NKAIN3: variants seen among roughly 807,000 people sequenced by gnomAD.
NKAIN3 encodes sodium/potassium transporting ATPase interacting 3.
NKAIN3 carries 25 observed loss-of-function variants against 30.2 expected under a neutral mutation model. The ratio of observed to expected loss-of-function variants is 0.83; its 90% CI spans 0.60 to 1.16. NKAIN3 has a LOEUF of 1.16. Among genes scored for constraint, NKAIN3 ranks in the 50% most tolerant of loss-of-function variants. The pLI, the probability that NKAIN3 is intolerant of heterozygous loss-of-function variation, is 0.00. For missense variants in NKAIN3, 225 were observed against 254.1 expected (o/e 0.89, Z 0.78); for synonymous variants, 91 against 89.6 (o/e 1.02, Z -0.09).
At chr8:62,565,358 G>A (rs1182488125) in intron 1 of NKAIN3, among the ~76,000 whole-genome samples, 3 of 116,708 alleles carry the variant, frequency 2.6e-5, no homozygotes, top group Non-Finnish European at 6.2e-5. Flanking sequence ...ATGGGCATAC[G>A]TGTGTGCGTG....
intron 3 of NKAIN3, among the ~76,000 whole-genome samples, chr8:62,703,255 A>C (rs1040475029): frequency 6.6e-6 from 1 of 152,202 alleles, no homozygotes; most frequent in Admixed American, 6.5e-5. Context: ...ATCTTATGAT[A>C]TTCACTGTTT....
intron 4 of NKAIN3, among the ~76,000 whole-genome samples, chr8:62,799,817 G>T (rs574037184): frequency 6.6e-6 from 1 of 152,130 alleles, no homozygotes; most frequent in African/African-American, 2.4e-5. Flanking sequence ...ATCCACCAAC[G>T]AGTGGATAGA....
Position 62,560,531 on chromosome 8 carries a change from C to CTTTTTTTTTTTTTTTTTTTTTT in NKAIN3, c.55-19004_55-18983dup, listed in dbSNP as rs869256384. Among the ~76,000 whole-genome samples the CTTTTTTTTTTTTTTTTTTTTTT allele has an allele frequency of 1.8e-4, 8 of 45,366 alleles. 1 individual carries two copies. Among genetic ancestry groups the CTTTTTTTTTTTTTTTTTTTTTT allele is most frequent in the African/African-American group, 1.9e-4 (2 of 10,630 alleles). 29.8% of individuals were successfully genotyped at this position (45,366 alleles called of 152,430 possible). A position where few individuals can be genotyped will look rare whatever the true frequency, so the allele number is the denominator to read the frequency against. On this transcript the variant is annotated intron_variant, in intron 1 of 6. Coordinates refer to ENST00000623646, the MANE Select transcript of NKAIN3 (RefSeq NM_001304533.3). ...CAGTTCACTGAATCTTTTTTCTTTT[C>CTTTTTTTTTTTTTTTTTTTTTT]TTTTTTTTTTTTTTTTTTTTTTTTT...
At position 62,776,365 on chromosome 8, in the gene NKAIN3, C is replaced by A. The variant is rs116008374; in HGVS notation, c.471+29236C>A. Among the ~76,000 whole-genome samples, 1,399 of 152,050 alleles carry A rather than the reference C, an allele frequency of 9.2e-3. 13 individuals are homozygous for A. The highest frequency in any genetic ancestry group is 0.029 in the African/African-American group (1,197 of 41,502). On this transcript the variant is annotated intron_variant, in intron 4 of 6. Transcript: ENST00000623646. ...TTTTTGTGACCTTCTCTTTCTTCTT[C>A]CTTCCTATCTTCTGTTTAGTGAAGG...
chr8:62,554,860 C>A (rs1446107380), intron 1 of NKAIN3, among the ~76,000 whole-genome samples: 1 of 152,112 alleles, frequency 6.6e-6, no homozygotes, highest in African/African-American at 2.4e-5. Context: ...CCCCTGATAA[C>A]CATCACTCAC....
intron 1 of NKAIN3, among the ~76,000 whole-genome samples, chr8:62,274,543 A>T (rs553596590): frequency 2.0e-4 from 30 of 152,162 alleles, no homozygotes; most frequent in Admixed American, 2.0e-3. Flanking sequence ...CAGTTTAATA[A>T]ATTTCTAATA....
chr8:62,572,787 C>G (rs574168994), intron 1 of NKAIN3, among the ~76,000 whole-genome samples: 2 of 152,158 alleles, frequency 1.3e-5, no homozygotes, highest in African/African-American at 4.8e-5. Context: ...AAGACCTGTC[C>G]CCATGATTCA....
At chr8:62,353,959 G>A (rs1004313771) in intron 1 of NKAIN3, among the ~76,000 whole-genome samples, 2 of 152,166 alleles carry the variant, frequency 1.3e-5, no homozygotes, top group African/African-American at 4.8e-5. Context: ...TAAAAGAAGC[G>A]AGTGTGCATA....
intron 4 of NKAIN3, among the ~76,000 whole-genome samples, chr8:62,865,738 T>C (rs1263203696): frequency 6.6e-6 from 1 of 152,230 alleles, no homozygotes; most frequent in East Asian, 1.9e-4. Flanking sequence ...CAAGGAAATA[T>C]GCAATGTTAT....
At chr8:62,937,369 G>A (rs1822818008) in intron 5 of NKAIN3, among the ~76,000 whole-genome samples, 1 of 152,152 alleles carries the variant, frequency 6.6e-6, no homozygotes, top group South Asian at 2.1e-4. Flanking sequence ...AAGTGTGAGA[G>A]GGGGAATGTC....
chr8:62,660,100 T>G (rs950003634), intron 3 of NKAIN3, among the ~76,000 whole-genome samples: 1 of 152,178 alleles, frequency 6.6e-6, no homozygotes, highest in Non-Finnish European at 1.5e-5. Flanking sequence ...TTATCTGACC[T>G]AGAGCCACTC....
chr8:62,374,926 C>T (rs1384055034), intron 1 of NKAIN3, among the ~76,000 whole-genome samples: 1 of 152,182 alleles, frequency 6.6e-6, no homozygotes, highest in Non-Finnish European at 1.5e-5. Flanking sequence ...AGCTGCACAA[C>T]TCTGTGGCAA....
At chr8:62,916,872 A>G (rs1240411616) in intron 4 of NKAIN3, among the ~76,000 whole-genome samples, 1 of 152,048 alleles carries the variant, frequency 6.6e-6, no homozygotes, top group Non-Finnish European at 1.5e-5. Flanking sequence ...ATACTCTCTG[A>G]GTGTGACAGC....
intron 4 of NKAIN3, among the ~76,000 whole-genome samples, chr8:62,916,325 AGC>A (rs1056359931): frequency 1.3e-5 from 2 of 152,222 alleles, no homozygotes; most frequent in African/African-American, 4.8e-5. Flanking sequence ...TTAATAATTA[AGC>A]TTATGAAGAG....
intron 1 of NKAIN3, among the ~76,000 whole-genome samples, chr8:62,523,024 C>T (rs1301864001): frequency 6.6e-6 from 1 of 152,086 alleles, no homozygotes; most frequent in African/African-American, 2.4e-5. Context: ...ACTCACCACT[C>T]ACTCACTGAC....
chr8:62,945,471 C>G (rs4739026), intron 5 of NKAIN3, among the ~76,000 whole-genome samples: 1 of 152,158 alleles, frequency 6.6e-6, no homozygotes, highest in Admixed American at 6.5e-5. Flanking sequence ...TGGTGACCCG[C>G]AGGCTTGTTC....
At chr8:62,897,560 A>G (rs996597327) in intron 4 of NKAIN3, among the ~76,000 whole-genome samples, 4 of 152,164 alleles carry the variant, frequency 2.6e-5, no homozygotes, top group African/African-American at 9.7e-5. Flanking sequence ...CATAGTTACT[A>G]GGCTATGCTG....
At chr8:62,845,697 G>T (rs907840365) in intron 4 of NKAIN3, among the ~76,000 whole-genome samples, 5 of 152,042 alleles carry the variant, frequency 3.3e-5, no homozygotes, top group African/African-American at 1.2e-4. Flanking sequence ...TGCTGACCAG[G>T]CACAAAATTC....
rs371172022 is a variant in NKAIN3, at chr8:62,792,423, AAGC to A, written c.471+45296_471+45298del. On this transcript the variant is annotated intron_variant, in intron 4 of 6. Coordinates refer to ENST00000623646, the MANE Select transcript of NKAIN3 (RefSeq NM_001304533.3). ...CTATTCTCAAACTTTCAACAAGAGAAAGCATACATTTGCAAGGAAATTGGACTG... is the reference window on the plus strand; with the variant it reads ...CTATTCTCAAACTTTCAACAAGAGAAATACATTTGCAAGGAAATTGGACTG... Among the ~76,000 whole-genome samples the A allele has an allele frequency of 3.6e-3, 252 of 69,894 alleles. 7 individuals carry two copies. In the South Asian group the frequency reaches 0.096, roughly 27 times the overall value. 45.9% of individuals were successfully genotyped at this position (69,894 alleles called of 152,430 possible). A position where few individuals can be genotyped will look rare whatever the true frequency, so the allele number is the denominator to read the frequency against.
Sources: allele counts gnomAD v4.1 joint callset (sites outside exome capture counted in the v4.1 genomes callset), GRCh38; gene constraint gnomAD v4.1.1; transcripts MANE v1.5; gene names NCBI Gene and HGNC (gene_info 2026-07-23, HGNC 2026-07-21).